The following LMX1A variants were observed in gnomAD, a reference collection of about 807,000 sequenced individuals.
LMX1A encodes LIM homeobox transcription factor 1 alpha.
A neutral mutation model predicts 49.1 loss-of-function variants in LMX1A; 15 were observed. The observed-to-expected ratio is 0.31, with a 90% CI of 0.20 to 0.47. LMX1A has a LOEUF of 0.47. LMX1A is among the 20% of genes least tolerant of loss of function. The pLI is 1.00. For synonymous variants in LMX1A, 167 were observed against 185.7 expected, an observed-to-expected ratio of 0.90 and a Z score of 0.82; for missense variants, 372 against 475.8, an observed-to-expected ratio of 0.78 and a Z score of 2.03.
intron 3 of LMX1A, among the ~76,000 whole-genome samples, chr1:165,344,127 A>G (rs1366723458): frequency 6.6e-6 from 1 of 152,230 alleles, no homozygotes; most frequent in East Asian, 1.9e-4. Context: ...CTGTGGTTGA[A>G]TCCAGAAATT....
At chr1:165,318,481 T>TC (rs1655285271) in intron 3 of LMX1A, among the ~76,000 whole-genome samples, 2 of 151,212 alleles carry the variant, frequency 1.3e-5, no homozygotes, top group Admixed American at 1.3e-4. Context: ...AATTTTTTTT[T>TC]CTCTGAGGAC....
At chr1:165,218,105 TCAG>T (rs1372882372) in intron 4 of LMX1A, among the ~76,000 whole-genome samples, 1 of 152,196 alleles carries the variant, frequency 6.6e-6, no homozygotes, top group Admixed American at 6.5e-5. Context: ...AAAACAGGCA[TCAG>T]GCCAGATTTG....
intron 3 of LMX1A, among the ~76,000 whole-genome samples, chr1:165,307,750 G>A (rs1654961508): frequency 6.6e-6 from 1 of 152,198 alleles, no homozygotes; most frequent in South Asian, 2.1e-4. Context: ...ATCCATAGGA[G>A]CCTGGACCAC....
chr1:165,208,001 G>T, intron 7 of LMX1A, 62 bp downstream of exon 7: 1 of 1,415,138 alleles, frequency 7.1e-7, no homozygotes, highest in African/African-American at 1.4e-5. Context: ...GGTAGTGGGA[G>T]GCCTCTGGTA....
intron 3 of LMX1A, among the ~76,000 whole-genome samples, chr1:165,266,715 C>T (rs567252347): frequency 1.3e-5 from 2 of 148,994 alleles, no homozygotes; most frequent in East Asian, 4.1e-4. Flanking sequence ...CATTCTCCTG[C>T]CTCAGCCTCC....
At chr1:165,214,246 T>G (rs1037698891) in intron 4 of LMX1A, among the ~76,000 whole-genome samples, 4 of 152,102 alleles carry the variant, frequency 2.6e-5, no homozygotes, top group African/African-American at 9.7e-5. Flanking sequence ...TAAAAGTGTG[T>G]GGCTTCTTTC....
intron 4 of LMX1A, among the ~76,000 whole-genome samples, chr1:165,246,925 AAG>A (rs1652869893): frequency 2.0e-5 from 3 of 152,294 alleles, no homozygotes; most frequent in East Asian, 3.9e-4. Context: ...ATCAGCCTCA[AAG>A]AGAAATTTCC....
rs753041611 is a variant in LMX1A at position 165,210,792 on chromosome 1, C to T, written c.670-16G>A. The T allele has an allele frequency of 3.0e-5, 48 of 1,603,580 alleles. 1 individual carries two copies. The highest frequency in any genetic ancestry group is 2.8e-4 in the South Asian group (25 of 90,516). Reference sequence around the variant, plus strand: ...TCTCTCTCACCTTGGAAAAATTGAACGAGAAATGTAGACACACTGGCATCT... The same window carrying T: ...TCTCTCTCACCTTGGAAAAATTGAATGAGAAATGTAGACACACTGGCATCT... On this transcript the variant is annotated splice_polypyrimidine_tract_variant and intron_variant, in intron 5 of 8. Transcript: ENST00000342310.
At chr1:165,242,937 AAAAAAAAAAACAAAAC>A (rs1652710017) in intron 4 of LMX1A, among the ~76,000 whole-genome samples, 1 of 150,976 alleles carries the variant, frequency 6.6e-6, no homozygotes, top group Non-Finnish European at 1.5e-5. Flanking sequence ...CTCAAAAAAA[AAAAAAAAAAACAAAAC>A]AAAAACATAA....
chr1:165,319,384 T>A (rs7549447), intron 3 of LMX1A, among the ~76,000 whole-genome samples: 48,776 of 151,936 alleles, frequency 0.32, 8,582 homozygotes, highest in East Asian at 0.68. Flanking sequence ...CTAAAAACAC[T>A]TCTATGTTGC....
intron 7 of LMX1A, chr1:165,207,483 G>C (rs937251274): frequency 6.6e-6 from 1 of 152,110 alleles, no homozygotes; most frequent in Non-Finnish European, 1.5e-5. Flanking sequence ...TGCCCTTACC[G>C]ATCTAGGGCC....
chr1:165,281,894 C>T (rs1288055688), intron 3 of LMX1A, among the ~76,000 whole-genome samples: 4 of 152,140 alleles, frequency 2.6e-5, no homozygotes, highest in Admixed American at 2.0e-4. Flanking sequence ...TATGATTTTT[C>T]CCCAGAGATG....
chr1:165,253,590 C>T (rs1653130981), intron 3 of LMX1A, among the ~76,000 whole-genome samples: 1 of 152,204 alleles, frequency 6.6e-6, no homozygotes, highest in Admixed American at 6.5e-5. Context: ...GAACAGAGGC[C>T]AGGCTGCAGG....
At chr1:165,316,827 C>T (rs1655242892) in intron 3 of LMX1A, among the ~76,000 whole-genome samples, 1 of 152,108 alleles carries the variant, frequency 6.6e-6, no homozygotes, top group South Asian at 2.1e-4. Flanking sequence ...TGCAGCAACA[C>T]CTCCCCATCC....
At chr1:165,237,836 C>A (rs1652506293) in intron 4 of LMX1A, among the ~76,000 whole-genome samples, 1 of 152,198 alleles carries the variant, frequency 6.6e-6, no homozygotes, top group African/African-American at 2.4e-5. Context: ...TCTAAAGCAT[C>A]TTCAGATCCA....
chr1:165,246,937 C>T (rs1424044472), intron 4 of LMX1A, among the ~76,000 whole-genome samples: 2 of 114,664 alleles, frequency 1.7e-5, no homozygotes, highest in African/African-American at 6.9e-5. Flanking sequence ...GAGAAATTTC[C>T]ATAACTGAAC....
At position 165,356,498 on chromosome 1, in the gene LMX1A, A is replaced by T. The variant is rs970077452; in HGVS notation, c.-166T>A. ...TTCGGAGCGCCGGGGAGGGAGCCGG[A>T]GCGAACGCCGGCCGCTGGCTCTGCT... On this transcript the variant is annotated 5_prime_UTR_variant, in exon 1 of 9. Coordinates refer to ENST00000342310, the MANE Select transcript of LMX1A (RefSeq NM_177398.4). The T allele has an allele frequency of 6.6e-6, 1 of 151,470 alleles. No individual in the cohort carries two copies. Among genetic ancestry groups the T allele is most frequent in the Non-Finnish European group, 1.5e-5 (1 of 67,936 alleles). 9.4% of individuals were successfully genotyped at this position (151,470 alleles called of 1,614,324 possible).
intron 3 of LMX1A, among the ~76,000 whole-genome samples, chr1:165,264,094 T>C (rs903323160): frequency 6.6e-6 from 1 of 152,000 alleles, no homozygotes; most frequent in African/African-American, 2.4e-5. Context: ...CAGGAGAGCA[T>C]CAATTAACTT....
At chr1:165,344,456 A>G (rs115218479) in intron 3 of LMX1A, among the ~76,000 whole-genome samples, 1,893 of 152,324 alleles carry the variant, frequency 0.012, 42 homozygotes, top group African/African-American at 0.042. Flanking sequence ...TTCCACTGTC[A>G]AAACCAGAAA....
Sources: gnomAD v4.1 joint callset for allele counts (sites outside exome capture counted in the v4.1 genomes callset) on GRCh38, gnomAD v4.1.1 for gene constraint, MANE v1.5 for transcripts, NCBI Gene and HGNC (gene_info 2026-07-23, HGNC 2026-07-21) for gene names.